The following SDCCAG8 variants were observed in gnomAD, a reference collection of about 807,000 sequenced individuals.
SDCCAG8 encodes SHH signaling and ciliogenesis regulator SDCCAG8.
A neutral mutation model predicts 101.8 loss-of-function variants in SDCCAG8; 74 were observed. That is an observed-to-expected ratio of 0.73 (90% CI 0.60 to 0.88). The LOEUF (loss-of-function observed/expected upper bound fraction) is 0.88. Ranked by LOEUF, SDCCAG8 falls within the 40% of genes least tolerant of loss-of-function variation. The pLI is 0.00. For missense variants in SDCCAG8, 787 were observed against 822.6 expected (o/e 0.96, Z 0.53); for synonymous variants, 281 against 292.9 (o/e 0.96, Z 0.41).
At chr1:243,405,032 A>G (rs1272523860) in intron 13 of SDCCAG8, among the ~76,000 whole-genome samples, 1 of 151,816 alleles carries the variant, frequency 6.6e-6, no homozygotes, top group Non-Finnish European at 1.5e-5. Context: ...TGCCCAGCTA[A>G]TTTTTGTATT....
intron 16 of SDCCAG8, among the ~76,000 whole-genome samples, chr1:243,443,275 C>A (rs2082668492): frequency 6.6e-6 from 1 of 152,154 alleles, no homozygotes; most frequent in Non-Finnish European, 1.5e-5. Context: ...TGGAACAATT[C>A]ATACAAAAAG....
chr1:243,299,010 C>A (rs2071233974), intron 6 of SDCCAG8, among the ~76,000 whole-genome samples: 1 of 152,202 alleles, frequency 6.6e-6, no homozygotes, highest in African/African-American at 2.4e-5. Flanking sequence ...ATTTGAGAAT[C>A]AACATTTTAT....
intron 16 of SDCCAG8, among the ~76,000 whole-genome samples, chr1:243,433,545 C>T (rs1422744160): frequency 1.3e-5 from 2 of 150,966 alleles, no homozygotes; most frequent in Non-Finnish European, 2.9e-5. Flanking sequence ...AAGAAAGTCT[C>T]TCCTGAGGAA....
intron 12 of SDCCAG8, among the ~76,000 whole-genome samples, chr1:243,377,802 G>T (rs2077683639): frequency 6.9e-6 from 1 of 145,732 alleles, no homozygotes. Flanking sequence ...CTTGCTTTCT[G>T]CTGAATTTGA....
intron 13 of SDCCAG8, among the ~76,000 whole-genome samples, chr1:243,381,721 A>T (rs1371095206): frequency 6.6e-6 from 1 of 152,222 alleles, no homozygotes; most frequent in African/African-American, 2.4e-5. Flanking sequence ...GGTCCTAGGC[A>T]TAGAGAGAAA....
intron 4 of SDCCAG8, among the ~76,000 whole-genome samples, chr1:243,283,529 T>G (rs190971386): frequency 6.3e-4 from 96 of 151,760 alleles, no homozygotes; most frequent in African/African-American, 2.3e-3. Flanking sequence ...AAATTCTTAT[T>G]GACAATTCTT....
At chr1:243,361,157 G>T (rs1365844331) in intron 12 of SDCCAG8, among the ~76,000 whole-genome samples, 1 of 152,050 alleles carries the variant, frequency 6.6e-6, no homozygotes, top group East Asian at 1.9e-4. Flanking sequence ...CTGCCCCCAC[G>T]ACCACTTCAG....
chr1:243,341,368 G>A (rs1471254143), intron 11 of SDCCAG8, among the ~76,000 whole-genome samples, 195 bp downstream of exon 11: 4 of 152,174 alleles, frequency 2.6e-5, no homozygotes, highest in East Asian at 3.8e-4. Flanking sequence ...CCCCTCAGTG[G>A]GTATTGCATG....
intron 4 of SDCCAG8, among the ~76,000 whole-genome samples, chr1:243,275,631 C>T (rs1231729916): frequency 6.6e-6 from 1 of 151,872 alleles, no homozygotes; most frequent in African/African-American, 2.4e-5. Flanking sequence ...TCTATTAATC[C>T]CTAAGATGTT....
chr1:243,324,886 T>A (rs939655152), intron 9 of SDCCAG8, among the ~76,000 whole-genome samples: 6 of 152,226 alleles, frequency 3.9e-5, no homozygotes, highest in African/African-American at 1.4e-4. Flanking sequence ...GAACATGACC[T>A]GCAGTTGGCC....
intron 1 of SDCCAG8, among the ~76,000 whole-genome samples, chr1:243,256,770 C>T (rs1274100648): frequency 2.0e-5 from 3 of 152,222 alleles, no homozygotes; most frequent in Admixed American, 2.0e-4. Flanking sequence ...AAGCGAAGCT[C>T]AGAGAGGTTG....
intron 11 of SDCCAG8, 94 bp downstream of exon 11, chr1:243,341,267 A>AG (rs1366529827): frequency 6.3e-6 from 9 of 1,435,766 alleles, no homozygotes; most frequent in Non-Finnish European, 7.7e-6. Flanking sequence ...TGTTATCAGG[A>AG]GGAAGTTTGG....
At chr1:243,265,924 GT>G (rs1307933433) in intron 1 of SDCCAG8, among the ~76,000 whole-genome samples, 2 of 151,476 alleles carry the variant, frequency 1.3e-5, no homozygotes, top group African/African-American at 4.9e-5. Context: ...TCCTAATATA[GT>G]TTATTAGCTT....
intron 16 of SDCCAG8, among the ~76,000 whole-genome samples, chr1:243,469,158 T>C (rs1660728685): frequency 6.6e-6 from 1 of 152,240 alleles, no homozygotes; most frequent in African/African-American, 2.4e-5. Flanking sequence ...ACCTTGAGAA[T>C]TGCTAATAAT....
intron 12 of SDCCAG8, among the ~76,000 whole-genome samples, chr1:243,358,474 G>A (rs2076516617): frequency 6.6e-6 from 1 of 152,152 alleles, no homozygotes; most frequent in African/African-American, 2.4e-5. Context: ...GTGTCGGTGA[G>A]GATGTAGAGA....
chr1:243,256,306 C>A, intron 1 of SDCCAG8, 66 bp downstream of exon 1: 2 of 1,377,370 alleles, frequency 1.5e-6, no homozygotes, highest in African/African-American at 1.4e-5. Context: ...GGGAGCAGAC[C>A]AGGTGCGTTT....
At position 243,263,676 on chromosome 1, in the gene SDCCAG8, T is replaced by A. The variant is rs770538242; in HGVS notation, c.68-6429T>A. On this transcript the variant is annotated intron_variant, in intron 1 of 17. Coordinates refer to ENST00000366541, the MANE Select transcript of SDCCAG8 (RefSeq NM_006642.5). ...CATTGCTTTCTTAAGATGTTTACATTCTTTATCAGATTATCTTTTACTCCT... is the reference window on the plus strand; with the variant it reads ...CATTGCTTTCTTAAGATGTTTACATACTTTATCAGATTATCTTTTACTCCT... Among the ~76,000 whole-genome samples the A allele has an allele frequency of 1.9e-4, 29 of 152,350 alleles. 1 individual carries two copies. Among genetic ancestry groups the A allele is most frequent in the Middle Eastern group, 6.8e-3 (2 of 294 alleles).
Position 243,395,485 on chromosome 1 carries a change from G to A in SDCCAG8, c.1616+16622G>A, listed in dbSNP as rs1306563779. 2.0e-5 allele frequency among the ~76,000 whole-genome samples: 3 copies of A among 152,140 alleles called. No homozygotes were observed. The South Asian group carries it at 6.2e-4, about 31-fold the overall frequency. ...TGAAGAGAAATTATTTAGAAAGGATGTTTTAGGAAGATGAAGAAGAAAACA... is the reference window on the plus strand; with the variant it reads ...TGAAGAGAAATTATTTAGAAAGGATATTTTAGGAAGATGAAGAAGAAAACA... On this transcript the variant is annotated intron_variant, in intron 13 of 17. Coordinates refer to ENST00000366541, the MANE Select transcript of SDCCAG8 (RefSeq NM_006642.5).
intron 13 of SDCCAG8, among the ~76,000 whole-genome samples, chr1:243,402,684 C>T (rs902807944): frequency 3.3e-5 from 5 of 152,184 alleles, no homozygotes; most frequent in Non-Finnish European, 5.9e-5. Context: ...GTTTGTTACT[C>T]AGTTTTCCAG....
Sources: allele counts gnomAD v4.1 joint callset (sites outside exome capture counted in the v4.1 genomes callset), GRCh38; gene constraint gnomAD v4.1.1; transcripts MANE v1.5; gene names NCBI Gene and HGNC (gene_info 2026-07-23, HGNC 2026-07-21).